The following CFAP54 variants were observed in gnomAD, a reference collection of about 807,000 sequenced individuals.
CFAP54 encodes cilia- and flagella-associated protein 54.
CFAP54 carries 290 observed loss-of-function variants against 370.4 expected under a neutral mutation model. The ratio of observed to expected loss-of-function variants is 0.78; its 90% CI spans 0.71 to 0.86. The LOEUF (loss-of-function observed/expected upper bound fraction) is 0.86, where lower values mean the gene tolerates loss of function less well. Among genes scored for constraint, CFAP54 ranks in the 40% least tolerant of loss-of-function variants. CFAP54 has a pLI of 0.00. For synonymous variants in CFAP54, 1,206 were observed against 1,236.5 expected, an observed-to-expected ratio of 0.98 and a Z score of 0.52; for missense variants, 3,399 against 3,528.7, an observed-to-expected ratio of 0.96 and a Z score of 0.93.
chr12:96,568,901 A>G (rs146747973), intron 19 of CFAP54, among the ~76,000 whole-genome samples: 10 of 147,424 alleles, frequency 6.8e-5, no homozygotes, highest in Admixed American at 5.3e-4. Flanking sequence ...AAGTGAGATG[A>G]CTGGCTTTTT....
chr12:96,766,884 A>T lies in CFAP54; in HGVS notation c.8281+1666A>T, dbSNP rs543099612. 3.3e-5 allele frequency among the ~76,000 whole-genome samples: 5 copies of T among 152,092 alleles called. No individual in the cohort carries two copies. In the South Asian group the frequency reaches 1.0e-3, roughly 32 times the overall value. On this transcript the variant is annotated intron_variant, in intron 60 of 67. Coordinates refer to ENST00000524981, the MANE Select transcript of CFAP54 (RefSeq NM_001306084.2). ...AACTCAGTGGCCTACAACAACAGGA[A>T]CTCATTCTTCCACTCAGCTCATGTG...
At chr12:96,758,953 T>C (rs1392177193) in intron 58 of CFAP54, among the ~76,000 whole-genome samples, 3 of 152,170 alleles carry the variant, frequency 2.0e-5, no homozygotes, top group Admixed American at 2.0e-4. Context: ...ATAATTTGGG[T>C]GGGTTTGAGG....
chr12:96,576,578 A>C lies in CFAP54; in HGVS notation c.2620-7A>C, dbSNP rs1175074272. ...ATATATTTTTCTATTTTCATATTTC[A>C]TTATAGGAAGCATATTCCTTAATTC... On this transcript the variant is annotated splice_polypyrimidine_tract_variant and splice_region_variant and intron_variant, in intron 19 of 67. Coordinates refer to ENST00000524981, the MANE Select transcript of CFAP54 (RefSeq NM_001306084.2). 124 of 1,503,704 alleles carry C rather than the reference A, an allele frequency of 8.2e-5. 1 individual carries two copies. Among genetic ancestry groups the C allele is most frequent in the Non-Finnish European group, 7.1e-6 (8 of 1,126,410 alleles). The allele number at this position is 1,503,704 out of a possible 1,614,324, so 93.1% of individuals were successfully genotyped here.
intron 48 of CFAP54, among the ~76,000 whole-genome samples, chr12:96,717,433 A>C (rs1957696559): frequency 6.6e-6 from 1 of 152,156 alleles, no homozygotes; most frequent in African/African-American, 2.4e-5. Context: ...TCGGTGTATT[A>C]AGTTCCATGT....
At chr12:96,800,699 C>T (rs1354086315) in intron 63 of CFAP54, among the ~76,000 whole-genome samples, 1 of 152,202 alleles carries the variant, frequency 6.6e-6, no homozygotes, top group Non-Finnish European at 1.5e-5. Context: ...TGTTGAATAA[C>T]TGGCTGAAGC....
At chr12:96,593,677 CA>C (rs1565907029) in intron 24 of CFAP54, among the ~76,000 whole-genome samples, 29 of 151,120 alleles carry the variant, frequency 1.9e-4, no homozygotes, top group African/African-American at 6.3e-4. Flanking sequence ...TTTCTTTATA[CA>C]TAATCTTGAA....
intron 2 of CFAP54, 82 bp downstream of exon 2, chr12:96,501,021 A>G: frequency 2.8e-6 from 2 of 711,720 alleles, no homozygotes; most frequent in Non-Finnish European, 4.3e-6. Flanking sequence ...TACCCTTCCT[A>G]TTTTACATGT....
chr12:96,496,568 G>C (rs1306814472), intron 1 of CFAP54, among the ~76,000 whole-genome samples: 2 of 152,164 alleles, frequency 1.3e-5, no homozygotes, highest in African/African-American at 4.8e-5. Flanking sequence ...GTCTCTTCTT[G>C]TAGGGACATT....
chr12:96,785,682 C>T (rs1565977543), intron 61 of CFAP54, among the ~76,000 whole-genome samples: 1 of 152,186 alleles, frequency 6.6e-6, no homozygotes, highest in African/African-American at 2.4e-5. Context: ...CCCTGGTGAT[C>T]CCTTGCCCCT....
chr12:96,492,877 C>G (rs546896499), intron 1 of CFAP54, among the ~76,000 whole-genome samples: 3 of 151,942 alleles, frequency 2.0e-5, no homozygotes, highest in Non-Finnish European at 4.4e-5. Flanking sequence ...GCCTGTAATC[C>G]CAGCTACTCA....
At chr12:96,803,129 A>G (rs532554794) in intron 63 of CFAP54, among the ~76,000 whole-genome samples, 87 of 152,296 alleles carry the variant, frequency 5.7e-4, no homozygotes, top group African/African-American at 2.0e-3. Flanking sequence ...ATAGTGCCGC[A>G]ATAAACACAC....
chr12:96,531,680 C>T (rs1165811275), intron 9 of CFAP54, among the ~76,000 whole-genome samples: 5 of 152,002 alleles, frequency 3.3e-5, no homozygotes, highest in African/African-American at 7.2e-5. Flanking sequence ...CTTCTGTTTA[C>T]CTATTTAATT....
intron 50 of CFAP54, among the ~76,000 whole-genome samples, chr12:96,728,507 A>C (rs1441991439): frequency 6.6e-6 from 1 of 151,976 alleles, no homozygotes; most frequent in Non-Finnish European, 1.5e-5. Context: ...GTAGTTCTCG[A>C]CCCTTGGCTT....
intron 32 of CFAP54, among the ~76,000 whole-genome samples, chr12:96,641,936 T>TGGGGGG (rs758561828): frequency 2.3e-5 from 2 of 85,928 alleles, no homozygotes; most frequent in Non-Finnish European, 4.7e-5. Context: ...TGTGGGGTGG[T>TGGGGGG]GCGGGGGGGG....
chr12:96,844,133 G>C (rs538083739), intron 66 of CFAP54, among the ~76,000 whole-genome samples: 1 of 152,124 alleles, frequency 6.6e-6, no homozygotes, highest in African/African-American at 2.4e-5. Flanking sequence ...GAACAATGGC[G>C]CTCCACAGTG....
intron 26 of CFAP54, among the ~76,000 whole-genome samples, chr12:96,612,802 AT>A (rs1402851955): frequency 6.6e-6 from 1 of 152,242 alleles, no homozygotes; most frequent in East Asian, 1.9e-4. Flanking sequence ...AAAGGGATCA[AT>A]TAAACAAGAA....
intron 47 of CFAP54, among the ~76,000 whole-genome samples, chr12:96,707,665 A>T (rs1411192251): frequency 1.3e-5 from 2 of 152,148 alleles, no homozygotes; most frequent in Non-Finnish European, 2.9e-5. Flanking sequence ...TATAGGAGAG[A>T]ATGGCTGAGT....
At chr12:96,601,995 C>T (rs1177496096) in intron 26 of CFAP54, among the ~76,000 whole-genome samples, 1 of 152,152 alleles carries the variant, frequency 6.6e-6, no homozygotes, top group Non-Finnish European at 1.5e-5. Context: ...TTGTCTTCTG[C>T]TAGCTTTTGA....
At chr12:96,553,649 T>C (rs972541868) in intron 15 of CFAP54, among the ~76,000 whole-genome samples, 1 of 150,898 alleles carries the variant, frequency 6.6e-6, no homozygotes, top group Non-Finnish European at 1.5e-5. Context: ...TTTGAAAGTT[T>C]GGGCAAAGCT....
Sources: allele counts gnomAD v4.1 joint callset (sites outside exome capture counted in the v4.1 genomes callset), GRCh38; gene constraint gnomAD v4.1.1; transcripts MANE v1.5; gene names NCBI Gene and HGNC (gene_info 2026-07-23, HGNC 2026-07-21).